SORL1: variants seen among roughly 807,000 people sequenced by gnomAD.
SORL1 encodes the protein sortilin related receptor 1, also known as sortilin-related receptor.
Under a neutral mutation model 273.7 loss-of-function variants are expected in SORL1, and 127 were observed. The observed-to-expected ratio is 0.46, with a 90% confidence interval of 0.40 to 0.54. The LOEUF is 0.54. Ranked by LOEUF, SORL1 falls within the 20% of genes least tolerant of loss-of-function variation. The probability of loss-of-function intolerance (pLI) is 0.00; values close to 1 mark genes in which losing one functional copy is unlikely to be tolerated. For missense variants in SORL1, 2,494 were observed against 2,846.1 expected (o/e 0.88, Z 2.81); for synonymous variants, 1,031 against 1,067.4 (o/e 0.97, Z 0.66).
At chr11:121,468,094 G>A (rs928872231) in intron 1 of SORL1, among the ~76,000 whole-genome samples, 3 of 152,174 alleles carry the variant, frequency 2.0e-5, no homozygotes, top group African/African-American at 7.2e-5. Context: ...CTCAAGGAGT[G>A]GGTGGGGAAA....
chr11:121,526,436 T>G (rs1425960056), intron 11 of SORL1, among the ~76,000 whole-genome samples: 1 of 152,184 alleles, frequency 6.6e-6, no homozygotes, highest in Non-Finnish European at 1.5e-5. Context: ...TCTTTTTTTA[T>G]TATTGTAGGT....
rs368263442 is a variant in SORL1 at position 121,545,880 on chromosome 11, G to A, written c.2051+451G>A. 1.3e-3 allele frequency among the ~76,000 whole-genome samples: 191 copies of A among 152,274 alleles called. 1 individual carries two copies. The highest frequency in any genetic ancestry group is 3.4e-3 in the African/African-American group (141 of 41,554). ...AGCAAAATATCCAAGGCACTGCTGC[G>A]AATGCTAAAAGTAGGAGAAGTGATT... On this transcript the variant is annotated intron_variant, in intron 14 of 47. Coordinates refer to ENST00000260197, the MANE Select transcript of SORL1 (RefSeq NM_003105.6).
At chr11:121,541,236 C>G (rs1289431685) in intron 12 of SORL1, among the ~76,000 whole-genome samples, 1 of 150,166 alleles carries the variant, frequency 6.7e-6, no homozygotes, top group Admixed American at 6.7e-5. Flanking sequence ...GGGTCTCGCT[C>G]TGTCATCCAG....
At chr11:121,624,533 G>T (rs1204417653) in intron 45 of SORL1, among the ~76,000 whole-genome samples, 1 of 152,208 alleles carries the variant, frequency 6.6e-6, no homozygotes, top group Non-Finnish European at 1.5e-5. Context: ...TTCAAGGCCA[G>T]GTTGTTGGGG....
In SORL1 at chr11:121,538,782, G is replaced by A. The variant is rs541262218; in HGVS notation, c.1686-4766G>A. 2.1e-3 allele frequency among the ~76,000 whole-genome samples: 319 copies of A among 152,106 alleles called. 5 individuals carry two copies. The highest frequency in any genetic ancestry group is 0.02 in the Middle Eastern group (6 of 294). On this transcript the variant is annotated intron_variant, in intron 12 of 47. Coordinates refer to ENST00000260197, the MANE Select transcript of SORL1 (RefSeq NM_003105.6). ...CAACCTCCGCCTCCCAGGTTCAAGCGATTCTCCTGCCTCAGCCTCCCGAGT... is the reference window on the plus strand; with the variant it reads ...CAACCTCCGCCTCCCAGGTTCAAGCAATTCTCCTGCCTCAGCCTCCCGAGT...
chr11:121,497,316 A>G (rs1447226620), intron 6 of SORL1, among the ~76,000 whole-genome samples: 1 of 152,212 alleles, frequency 6.6e-6, no homozygotes, highest in African/African-American at 2.4e-5. Context: ...CCTGGTAGCC[A>G]AGCATCCTTG....
Position 121,619,488 on chromosome 11 carries a change from C to T in SORL1, c.5725-265C>T, listed in dbSNP as rs567850283. ...TTGAGGAAGATAGGCTTCATATACA[C>T]GTGCATATATGTGTAAGGATACACG... On this transcript the variant is annotated intron_variant, in intron 42 of 47. Transcript: ENST00000260197. Among the ~76,000 whole-genome samples, 257 of 152,254 alleles carry T rather than the reference C, an allele frequency of 1.7e-3. 2 individuals are homozygous for T. The highest frequency in any genetic ancestry group is 0.016 in the South Asian group (77 of 4,826).
Position 121,589,253 on chromosome 11 carries a change from CT to C in SORL1, c.3947-5del. 1 of 1,612,640 alleles carries C rather than the reference CT, an allele frequency of 6.2e-7. No homozygotes were observed. Among genetic ancestry groups the C allele is most frequent in the Non-Finnish European group, 8.5e-7 (1 of 1,178,776 alleles). ...TGGACTTCATGGATGTTTGTTCCCTCTGTAGCCCAAGATCCTGAGTTCCACA... is the reference window on the plus strand; with the variant it reads ...TGGACTTCATGGATGTTTGTTCCCTCGTAGCCCAAGATCCTGAGTTCCACA... On this transcript the variant is annotated splice_region_variant and splice_polypyrimidine_tract_variant and intron_variant, in intron 28 of 47. Transcript: ENST00000260197.
At chr11:121,625,570 G>GT (rs1468416698) in intron 46 of SORL1, among the ~76,000 whole-genome samples, 5 of 152,146 alleles carry the variant, frequency 3.3e-5, no homozygotes, top group African/African-American at 9.7e-5. Flanking sequence ...AGTTTCATTT[G>GT]TTTTTTGTGG....
At chr11:121,473,182 G>C (rs1861198757) in intron 2 of SORL1, among the ~76,000 whole-genome samples, 1 of 152,190 alleles carries the variant, frequency 6.6e-6, no homozygotes, top group Admixed American at 6.5e-5. Context: ...CTTTAAAGAA[G>C]ACTGAGCATG....
In SORL1 at chr11:121,540,415, G is replaced by T. The variant is rs530226990; in HGVS notation, c.1686-3133G>T. Among the ~76,000 whole-genome samples the T allele has an allele frequency of 2.6e-4, 40 of 151,350 alleles. No homozygotes were observed. The South Asian group carries it at 8.4e-3, about 32-fold the overall frequency. ...AGATGGGCCAGACGCGGTGGCTCAC[G>T]CCTGTAATCCCAGCACTCTGGGAGG... is the stretch of plus-strand genomic sequence containing the variant. On this transcript the variant is annotated intron_variant, in intron 12 of 47. Transcript: ENST00000260197.
chr11:121,597,818 G>T (rs991340613), intron 32 of SORL1, among the ~76,000 whole-genome samples: 1 of 152,182 alleles, frequency 6.6e-6, no homozygotes, highest in Non-Finnish European at 1.5e-5. Flanking sequence ...CTACAGTGTG[G>T]TGTAGGCAGT....
At chr11:121,541,690 A>G (rs1862352359) in intron 12 of SORL1, among the ~76,000 whole-genome samples, 2 of 152,246 alleles carry the variant, frequency 1.3e-5, no homozygotes, top group African/African-American at 4.8e-5. Flanking sequence ...AAGCCCTGTG[A>G]TTCTAAAGAA....
chr11:121,522,988 A>C lies in SORL1; in HGVS notation c.1595A>C (p.Glu532Ala). 1 of 1,608,440 alleles carries C rather than the reference A, an allele frequency of 6.2e-7. No homozygotes were observed. The highest frequency in any genetic ancestry group is 8.5e-7 in the Non-Finnish European group (1 of 1,174,928). Residue 532 changes from glutamate to alanine, a missense_variant and splice_region_variant, in exon 11 of 48, where the codon GAG becomes GCG. Transcript: ENST00000260197. ...AGCAGTGCTGGAGCCAGGTGGCGAGAGGTCAGCCCCCTCCCCCAATCCCGT... is the reference window on the plus strand; with the variant it reads ...AGCAGTGCTGGAGCCAGGTGGCGAGCGGTCAGCCCCCTCCCCCAATCCCGT... ...ISSSAGARWREALPGPHYYTW... is the reference protein window; with the variant it reads ...ISSSAGARWRAALPGPHYYTW...
intron 12 of SORL1, among the ~76,000 whole-genome samples, chr11:121,536,075 G>A (rs576532035): frequency 5.9e-5 from 9 of 152,290 alleles, no homozygotes; most frequent in African/African-American, 4.8e-5. Flanking sequence ...CTGTTTCTTC[G>A]CTGCGGTTTG....
rs200230538 is a variant in SORL1, at chr11:121,452,415, C to G, written c.84C>G (p.Cys28Trp). ...CACTGCTGCCGCCCGGAGCTCTCTG[C>G]GAAGTCTGGACGCAGAGGCTGCACG... is the stretch of plus-strand genomic sequence containing the variant. ...LVALLPPGAL[C>W]EVWTQRLHGG... The change falls in exon 1 of 48, where the codon TGC becomes TGG. Residue 28 changes from cysteine to tryptophan, a missense_variant. Coordinates refer to ENST00000260197, the MANE Select transcript of SORL1 (RefSeq NM_003105.6). This position sits in a 1 kb window ranked among gnomAD's most constrained non-coding sequence, Gnocchi z 5.3. 1 of 1,523,774 alleles carries G rather than the reference C, an allele frequency of 6.6e-7. No homozygotes were observed. Among genetic ancestry groups the G allele is most frequent in the Non-Finnish European group, 8.8e-7 (1 of 1,138,718 alleles). The allele number at this position is 1,523,774 out of a possible 1,614,324, so 94.4% of individuals were successfully genotyped here.
intron 11 of SORL1, among the ~76,000 whole-genome samples, chr11:121,526,556 G>T (rs1055911259): frequency 6.6e-6 from 1 of 152,160 alleles, no homozygotes; most frequent in South Asian, 2.1e-4. Flanking sequence ...GAGGAGAATC[G>T]ACATGTTAAT....
At chr11:121,508,255 A>G (rs1861818305) in intron 6 of SORL1, among the ~76,000 whole-genome samples, 1 of 152,108 alleles carries the variant, frequency 6.6e-6, no homozygotes, top group Admixed American at 6.5e-5. Context: ...GACCCCGTTC[A>G]TTTCTTTCTT....
rs1377446277 is a variant in SORL1 at position 121,553,988 on chromosome 11, A to T, written c.2318A>T (p.Asp773Val). ...GTGAGGAAATCCATCTACCGCTATG[A>T]CCTGGCCTCGGGAGCCACCGAGCAG... ...YAVRKSIYRY[D>V]LASGATEQLP... The change falls in exon 17 of 48, where the codon GAC (aspartate) becomes GTC (valine). Residue 773 changes from aspartate to valine, a missense_variant. Around this residue, in one of 3 missense-constraint regions of SORL1, gnomAD observed 710 missense variants for 882.5 expected, o/e 0.80. Coordinates refer to ENST00000260197, the MANE Select transcript of SORL1 (RefSeq NM_003105.6). 2 of 1,613,986 alleles carry T rather than the reference A, an allele frequency of 1.2e-6. No individual in the cohort carries two copies. The highest frequency in any genetic ancestry group is 2.7e-5 in the African/African-American group (2 of 74,876).
Sources: allele counts gnomAD v4.1 joint callset (sites outside exome capture counted in the v4.1 genomes callset), GRCh38; gene constraint gnomAD v4.1.1; regional missense constraint gnomAD v4.1.1; non-coding constraint Gnocchi (gnomAD v3.1); transcripts MANE v1.5; gene names NCBI Gene and HGNC (gene_info 2026-07-23, HGNC 2026-07-21).